FCN2: variants seen among roughly 807,000 people sequenced by gnomAD.
FCN2 encodes ficolin-2.
Under a neutral mutation model 32.5 loss-of-function variants are expected in FCN2, and 31 were observed. The ratio of observed to expected loss-of-function variants is 0.96; its 90% CI spans 0.72 to 1.29. The LOEUF (loss-of-function observed/expected upper bound fraction) is 1.29. Ranked by LOEUF, FCN2 falls within the 50% of genes most tolerant of loss-of-function variation. The pLI, the probability that FCN2 is intolerant of heterozygous loss-of-function variation, is 0.00. For missense variants in FCN2, 412 were observed against 406.5 expected, an observed-to-expected ratio of 1.01 and a Z score of -0.12; for synonymous variants, 181 against 164.5, an observed-to-expected ratio of 1.10 and a Z score of -0.77.
At chr9:134,874,644 T>G in the FCN2 span, among the ~76,000 whole-genome samples, 1 of 152,248 alleles carries the variant, frequency 6.6e-6, no homozygotes, top group East Asian at 1.9e-4. Context: ...TTAGATAGTA[T>G]TGACCTCCCA....
chr9:134,866,572 G>C, the FCN2 span, among the ~76,000 whole-genome samples: 1 of 150,330 alleles, frequency 6.7e-6, no homozygotes, highest in Non-Finnish European at 1.5e-5. Context: ...TCAGGACATA[G>C]GCATGGGCAA....
chr9:134,878,645 C>T (rs1830624052), upstream of FCN2, among the ~76,000 whole-genome samples: 1 of 152,274 alleles, frequency 6.6e-6, no homozygotes, highest in East Asian at 1.9e-4. Flanking sequence ...GAGTTCGAGA[C>T]CAGCCTGACC....
In FCN2 at chr9:134,885,900, A is replaced by G. The variant is rs770861198; in HGVS notation, c.559+3A>G. 8.1e-6 allele frequency: 13 copies of G among 1,609,720 alleles called. No individual in the cohort carries two copies. The highest frequency in any genetic ancestry group is 1.1e-5 in the South Asian group (1 of 90,512). ...CATCCACGCCCTGACCGCCCAGGGTAGGGCCGCTGCTGGGGCTTGGGGGTC... is the reference window on the plus strand; with the variant it reads ...CATCCACGCCCTGACCGCCCAGGGTGGGGCCGCTGCTGGGGCTTGGGGGTC... On this transcript the variant is annotated splice_donor_region_variant and intron_variant, in intron 6 of 7. Coordinates refer to ENST00000291744, the MANE Select transcript of FCN2 (RefSeq NM_004108.3).
At chr9:134,875,902 C>T (rs1830600010), upstream of FCN2, among the ~76,000 whole-genome samples, 2 of 152,112 alleles carry the variant, frequency 1.3e-5, no homozygotes, top group Non-Finnish European at 2.9e-5. Flanking sequence ...TAAACAGGTG[C>T]TATTTTAAGC....
the FCN2 span, among the ~76,000 whole-genome samples, chr9:134,871,939 C>A: frequency 6.6e-6 from 1 of 151,606 alleles, no homozygotes; most frequent in African/African-American, 2.4e-5. Flanking sequence ...CCCACCCACC[C>A]CCACCCGGCC....
upstream of FCN2, among the ~76,000 whole-genome samples, chr9:134,879,118 G>C (rs551412355): frequency 6.6e-6 from 1 of 152,330 alleles, no homozygotes; most frequent in Non-Finnish European, 1.5e-5. Flanking sequence ...TTCAGCATGT[G>C]ATAAACTCAG....
chr9:134,873,881 TTGTTTG>T, the FCN2 span, among the ~76,000 whole-genome samples: 26 of 46,222 alleles, frequency 5.6e-4, no homozygotes, highest in African/African-American at 2.5e-3. Flanking sequence ...TTTTGTTTGT[TTGTTTG>T]TTTTGTTTTT....
the FCN2 span, chr9:134,868,411 G>T: frequency 1.0e-5 from 2 of 199,802 alleles, no homozygotes; most frequent in East Asian, 1.2e-4. This position sits in a 1 kb window ranked among gnomAD's most constrained non-coding sequence, Gnocchi z 4.3. Context: ...GGCATCAACT[G>T]GAAGTCGGGG....
chr9:134,883,172 G>A (rs530587894), intron 2 of FCN2, 130 bp from the exon 3 acceptor site: 2 of 838,482 alleles, frequency 2.4e-6, no homozygotes, highest in Middle Eastern at 2.2e-4. Context: ...GCCTGGGCGG[G>A]GCCACAGTCA....
rs564184697 is a variant in FCN2, at chr9:134,882,334, G to A, written c.101-192G>A. 5.3e-5 allele frequency among the ~76,000 whole-genome samples: 8 copies of A among 152,346 alleles called. No homozygotes were observed. In the East Asian group the frequency reaches 1.5e-3, roughly 29 times the overall value. On this transcript the variant is annotated intron_variant, in intron 1 of 7. Coordinates refer to ENST00000291744, the MANE Select transcript of FCN2 (RefSeq NM_004108.3). ...TGCCCAAGAGGTGAGGACAGACCAAGTGCCCACCAGGGCAGGAAAACCTCC... is the reference window on the plus strand; with the variant it reads ...TGCCCAAGAGGTGAGGACAGACCAAATGCCCACCAGGGCAGGAAAACCTCC...
intron 4 of FCN2, 43 bp from the exon 5 acceptor site, chr9:134,885,196 C>T: frequency 6.2e-7 from 1 of 1,613,494 alleles, no homozygotes; most frequent in Non-Finnish European, 8.5e-7. Context: ...GTGCCCTGCC[C>T]AGGGCTCCTG....
At chr9:134,869,821 T>A in the FCN2 span, among the ~76,000 whole-genome samples, 4 of 152,170 alleles carry the variant, frequency 2.6e-5, no homozygotes, top group African/African-American at 9.7e-5. Context: ...GTGCTCCTGA[T>A]GCAGGTGAGG....
chr9:134,887,414 A>G lies in FCN2; in HGVS notation c.941A>G (p.Ter314TrpextTer13), dbSNP rs1402966593. ...TCAGAGATGAAGGTGCGACCTGCCT[A>G]GCCCAGGCCGGCCTCAGGGTCAGGA... ...KVSEMKVRPA* is the reference protein window; with the variant it reads ...KVSEMKVRPAW Residue 314 changes from the stop codon to tryptophan, a stop_lost, in exon 8 of 8, where the codon TAG becomes TGG. Coordinates refer to ENST00000291744, the MANE Select transcript of FCN2 (RefSeq NM_004108.3). 1 of 1,613,950 alleles carries G rather than the reference A, an allele frequency of 6.2e-7. No homozygotes were observed. The highest frequency in any genetic ancestry group is 1.3e-5 in the African/African-American group (1 of 74,916).
At chr9:134,879,738 G>T (rs1350688437), upstream of FCN2, among the ~76,000 whole-genome samples, 1 of 152,194 alleles carries the variant, frequency 6.6e-6, no homozygotes, top group Admixed American at 6.5e-5. Flanking sequence ...AATCCGATGG[G>T]ATTTTGTTTC....
upstream of FCN2, among the ~76,000 whole-genome samples, chr9:134,876,569 A>T (rs745726032): frequency 5.9e-5 from 9 of 152,144 alleles, no homozygotes; most frequent in Non-Finnish European, 1.2e-4. Flanking sequence ...TTTATTTTAT[A>T]TGTATAGTTT....
At chr9:134,868,758 G>A in the FCN2 span, among the ~76,000 whole-genome samples, 2 of 152,344 alleles carry the variant, frequency 1.3e-5, no homozygotes, top group Admixed American at 6.5e-5. The surrounding 1 kb of genome is among the most constrained non-coding windows in gnomAD (Gnocchi z 4.3). Context: ...TGCCATGGCC[G>A]TTTGCCCTGC....
chr9:134,868,608 T>C, the FCN2 span: 1 of 152,360 alleles, frequency 6.6e-6, no homozygotes, highest in East Asian at 1.9e-4. The surrounding 1 kb of genome is among the most constrained non-coding windows in gnomAD (Gnocchi z 4.3). Flanking sequence ...ACCAGTCCCT[T>C]ATAGGCATGG....
At chr9:134,885,946 C>A (rs113043031) in intron 6 of FCN2, 49 bp downstream of exon 6, 2 of 1,564,954 alleles carry the variant, frequency 1.3e-6, no homozygotes, top group Non-Finnish European at 1.7e-6. Flanking sequence ...AATGGGGGTG[C>A]CCCTGCCTCT....
At chr9:134,881,984 G>A (rs1188203604) in intron 1 of FCN2, among the ~76,000 whole-genome samples, 6 of 152,192 alleles carry the variant, frequency 3.9e-5, no homozygotes. Flanking sequence ...GGAGGAACAA[G>A]GTGGACCCAC....
Sources: allele counts gnomAD v4.1 joint callset (sites outside exome capture counted in the v4.1 genomes callset), GRCh38; gene constraint gnomAD v4.1.1; non-coding constraint Gnocchi (gnomAD v3.1); transcripts MANE v1.5; gene names NCBI Gene and HGNC (gene_info 2026-07-23, HGNC 2026-07-21).